Variants in MVD observed in about 807,000 individuals in gnomAD.
The protein encoded by MVD is mevalonate diphosphate decarboxylase.
A neutral mutation model predicts 42.4 loss-of-function variants in MVD; 52 were observed. The ratio of observed to expected loss-of-function variants is 1.23; its 90% CI spans 0.98 to 1.55. The LOEUF (loss-of-function observed/expected upper bound fraction) is 1.55. MVD is among the 40% of genes most tolerant of loss of function. The probability of loss-of-function intolerance (pLI) is 0.00; values close to 1 mark genes in which losing one functional copy is unlikely to be tolerated. For missense variants in MVD, 663 were observed against 572.1 expected, an observed-to-expected ratio of 1.16 and a Z score of -1.62; for synonymous variants, 287 against 243.2, an observed-to-expected ratio of 1.18 and a Z score of -1.68.
Position 88,653,336 on chromosome 16 carries a change from C to A in MVD, c.1086G>T (p.Pro362=). 6.2e-7 allele frequency: 1 copy of A among 1,600,624 alleles called. No individual in the cohort carries two copies. Among genetic ancestry groups the A allele is most frequent in the African/African-American group, 1.4e-5 (1 of 73,910 alleles). Residue 362 remains proline, a synonymous_variant, in exon 9 of 10, where the codon CCG becomes CCT. Transcript: ENST00000301012. ...AELQAALAME[P]TPGGVKYIIV... ...TGATGTATTTGACCCCACCGGGGGT[C>A]GGCTCCATGGCCAGCGCAGCCTGAA...
At position 88,655,432 on chromosome 16, in the gene MVD, G is replaced by A; in HGVS notation, c.679-15C>T. 1 of 1,557,596 alleles carries A rather than the reference G, an allele frequency of 6.4e-7. No individual in the cohort carries two copies. Among genetic ancestry groups the A allele is most frequent in the South Asian group, 1.2e-5 (1 of 85,468 alleles). On this transcript the variant is annotated splice_polypyrimidine_tract_variant and intron_variant, in intron 6 of 9. Coordinates refer to ENST00000301012, the MANE Select transcript of MVD (RefSeq NM_002461.3). Reference sequence around the variant, plus strand: ...TCGGCCCGGAACTGCAAGGCACAGGGTGTTTCCCATGGAGCCGCTGGGGGT... The same window carrying A: ...TCGGCCCGGAACTGCAAGGCACAGGATGTTTCCCATGGAGCCGCTGGGGGT...
At chr16:88,658,059 G>A in intron 2 of MVD, 30 bp from the exon 3 acceptor site, 1 of 1,606,480 alleles carries the variant, frequency 6.2e-7, no homozygotes, top group Non-Finnish European at 8.5e-7. Context: ...CCACCTCAGA[G>A]GCCAGCATTG....
intron 4 of MVD, 62 bp downstream of exon 4, chr16:88,657,374 G>A (rs1398505977): frequency 2.0e-6 from 3 of 1,535,722 alleles, no homozygotes; most frequent in South Asian, 2.4e-5. Context: ...GACCCGGGAA[G>A]AGCATGAAGT....
chr16:88,657,011 G>A (rs938932520), intron 4 of MVD: 8 of 356,768 alleles, frequency 2.2e-5, no homozygotes, highest in African/African-American at 1.1e-4. Flanking sequence ...CCTCAGTTAC[G>A]TGAGCCACAA....
chr16:88,655,898 G>T (rs2142898459), intron 5 of MVD, 168 bp from the exon 6 acceptor site: 1 of 1,103,896 alleles, frequency 9.1e-7, no homozygotes, highest in Middle Eastern at 2.6e-4. Context: ...GTGACGCAGG[G>T]GCAACTTCCA....
At chr16:88,654,569 G>T in intron 8 of MVD, 123 bp downstream of exon 8, 1 of 940,058 alleles carries the variant, frequency 1.1e-6, no homozygotes, top group Non-Finnish European at 1.5e-6. Flanking sequence ...CACACTCGGG[G>T]GACTGCTGCC....
chr16:88,662,998 C>T lies in MVD; in HGVS notation c.70+13G>A, dbSNP rs2142919046. 1 of 1,594,986 alleles carries T rather than the reference C, an allele frequency of 6.3e-7. No homozygotes were observed. The highest frequency in any genetic ancestry group is 8.5e-7 in the Non-Finnish European group (1 of 1,171,722). ...CCGGCCATCCCCGTCCCAGGCCGGC[C>T]CGCGGCACTCACAGTACTTGATGAC... On this transcript the variant is annotated intron_variant, in intron 1 of 9. Transcript: ENST00000301012.
chr16:88,657,812 C>G (rs1010938859), intron 3 of MVD, 103 bp downstream of exon 3: 2 of 1,352,640 alleles, frequency 1.5e-6, no homozygotes, highest in Admixed American at 4.0e-5. Flanking sequence ...TCCCAGCCAC[C>G]CCGCCTGCTG....
Position 88,655,642 on chromosome 16 carries a change from G to A in MVD, c.678+14C>T, listed in dbSNP as rs371565261. 1,815 of 1,549,550 alleles carry A rather than the reference G, an allele frequency of 1.2e-3. 6 individuals carry two copies. The highest frequency in any genetic ancestry group is 0.01 in the African/African-American group (746 of 73,146). On this transcript the variant is annotated intron_variant, in intron 6 of 9. Transcript: ENST00000301012. ...GACTCCCAGGGCCCCGGGACCACCC[G>A]CTCCTGGCCTTACCCGAAGCAGGGG...
chr16:88,662,854 C>T, intron 1 of MVD, 157 bp downstream of exon 1: 2 of 1,436,376 alleles, frequency 1.4e-6, no homozygotes, highest in Non-Finnish European at 1.8e-6. Flanking sequence ...CGCGGCCCCG[C>T]CCGACCACCG....
chr16:88,654,240 C>T (rs1283333998), intron 8 of MVD, among the ~76,000 whole-genome samples: 3 of 152,178 alleles, frequency 2.0e-5, no homozygotes, highest in Non-Finnish European at 2.9e-5. Flanking sequence ...CAAGAAAAGA[C>T]ACCCAACTGC....
chr16:88,653,139 C>T (rs573784507), intron 9 of MVD, among the ~76,000 whole-genome samples, 161 bp downstream of exon 9: 1 of 152,366 alleles, frequency 6.6e-6, no homozygotes, highest in East Asian at 1.9e-4. Flanking sequence ...CCTGTAATGT[C>T]CACTTTGAGA....
At chr16:88,658,851 T>G in intron 1 of MVD, 131 bp from the exon 2 acceptor site, 1 of 671,442 alleles carries the variant, frequency 1.5e-6, no homozygotes, top group Non-Finnish European at 2.5e-6. Context: ...GCACAACCTG[T>G]GTGCCCCTCC....
Position 88,658,028 on chromosome 16 carries a change from A to C in MVD, c.143T>G (p.Leu48Ter), listed in dbSNP as rs752585992. 2.5e-6 allele frequency: 4 copies of C among 1,613,706 alleles called. No homozygotes were observed. The highest frequency in any genetic ancestry group is 2.5e-6 in the Non-Finnish European group (3 of 1,179,966). Residue 48 changes from leucine to a stop codon, truncating the protein, a stop_gained and splice_region_variant, in exon 3 of 10, where the codon TTA becomes TGA. Transcript: ENST00000301012. LOFTEE classifies it high-confidence loss of function. ...SLSVTLHQDQ[L>*]KTTTTAVISK... is the part of the protein sequence containing the mutation. ...GATGACGGCTGTTGTGGTGGTTTTTAACTGAAAAGGAAACCCAGGGCCACC... is the reference window on the plus strand; with the variant it reads ...GATGACGGCTGTTGTGGTGGTTTTTCACTGAAAAGGAAACCCAGGGCCACC...
chr16:88,657,988 G>A lies in MVD; in HGVS notation c.183C>T (p.Thr61=), dbSNP rs568814170. ...GGCCATTCAGCCAAATCCGGTCCTC[G>A]GTGAAGTCCTTGCTGATGACGGCTG... ...TTTAVISKDF[T]EDRIWLNGRE... The change falls in exon 3 of 10, where the codon ACC becomes ACT. Residue 61 remains threonine, a synonymous_variant. Coordinates refer to ENST00000301012, the MANE Select transcript of MVD (RefSeq NM_002461.3). 2.8e-5 allele frequency: 45 copies of A among 1,614,050 alleles called. No individual in the cohort carries two copies. The highest frequency in any genetic ancestry group is 2.2e-4 in the South Asian group (20 of 91,086).
chr16:88,657,628 G>T, intron 3 of MVD, 46 bp from the exon 4 acceptor site: 1 of 1,594,256 alleles, frequency 6.3e-7, no homozygotes, highest in Non-Finnish European at 8.6e-7. Flanking sequence ...TCAGCACCCT[G>T]CCCGCCCTGC....
At chr16:88,662,131 G>A (rs1372245495) in intron 1 of MVD, 4 of 152,040 alleles carry the variant, frequency 2.6e-5, no homozygotes, top group South Asian at 4.1e-4. Context: ...ATTGGTAAGG[G>A]AAACACAAAA....
intron 1 of MVD, 193 bp downstream of exon 1, chr16:88,662,818 C>T (rs1454137761): frequency 1.7e-5 from 25 of 1,459,352 alleles, no homozygotes; most frequent in Non-Finnish European, 2.2e-5. Flanking sequence ...GAACGGGTGG[C>T]GCCGAGCTTG....
At chr16:88,655,557 C>A (rs964618137) in intron 6 of MVD, 99 bp downstream of exon 6, 3 of 1,516,190 alleles carry the variant, frequency 2.0e-6, no homozygotes, top group East Asian at 2.4e-5. Flanking sequence ...GCGGGGCTGC[C>A]GCAGGTGTGA....
Sources: gnomAD v4.1 joint callset for allele counts (sites outside exome capture counted in the v4.1 genomes callset) on GRCh38, gnomAD v4.1.1 for gene constraint, MANE v1.5 for transcripts, NCBI Gene and HGNC (gene_info 2026-07-23, HGNC 2026-07-21) for gene names.